MYO1D: variants seen among roughly 807,000 people sequenced by gnomAD.
MYO1D encodes unconventional myosin-Id.
A neutral mutation model predicts 122.0 loss-of-function variants in MYO1D; 83 were observed. That is an observed-to-expected ratio of 0.68 (90% CI 0.57 to 0.82). The LOEUF is 0.82. Ranked by LOEUF, MYO1D falls within the 40% of genes least tolerant of loss-of-function variation. MYO1D has a pLI of 0.00. For missense variants in MYO1D, 1,157 were observed against 1,269.5 expected, an observed-to-expected ratio of 0.91 and a Z score of 1.35; for synonymous variants, 464 against 446.9, an observed-to-expected ratio of 1.04 and a Z score of -0.48.
At chr17:32,816,469 A>T (rs73283738) in intron 1 of MYO1D, among the ~76,000 whole-genome samples, 5,462 of 152,292 alleles carry the variant, frequency 0.036, 316 homozygotes, top group African/African-American at 0.12. Flanking sequence ...TAAACTTTGA[A>T]ATCATTTTAA....
intron 15 of MYO1D, among the ~76,000 whole-genome samples, chr17:32,719,363 T>G (rs933821618): frequency 6.6e-6 from 1 of 151,498 alleles, no homozygotes; most frequent in Non-Finnish European, 1.5e-5. Flanking sequence ...TTTTTTTTTT[T>G]TTTTGAGACG....
chr17:32,532,738 A>C (rs1910550430), intron 21 of MYO1D, among the ~76,000 whole-genome samples: 1 of 151,856 alleles, frequency 6.6e-6, no homozygotes, highest in Non-Finnish European at 1.5e-5. Context: ...AAAAAAAAAA[A>C]AAAAACCAAA....
chr17:32,515,642 C>T (rs375507733), intron 21 of MYO1D, among the ~76,000 whole-genome samples: 69 of 152,224 alleles, frequency 4.5e-4, no homozygotes, highest in Middle Eastern at 6.8e-3. Flanking sequence ...TTGGGGCTGA[C>T]GACATAGTTC....
At chr17:32,837,943 C>T (rs2090843460) in intron 1 of MYO1D, among the ~76,000 whole-genome samples, 1 of 149,666 alleles carries the variant, frequency 6.7e-6, no homozygotes, top group Admixed American at 6.7e-5. Context: ...TTCTCATTCA[C>T]TAAGGTATTG....
intron 20 of MYO1D, among the ~76,000 whole-genome samples, chr17:32,620,663 C>T (rs1375692168): frequency 1.3e-5 from 2 of 152,146 alleles, no homozygotes; most frequent in Non-Finnish European, 2.9e-5. Flanking sequence ...GGGTTTTTAG[C>T]TGTATTCAGT....
At chr17:32,781,648 C>T (rs866394629) in intron 1 of MYO1D, among the ~76,000 whole-genome samples, 4 of 146,220 alleles carry the variant, frequency 2.7e-5, no homozygotes, top group Middle Eastern at 3.5e-3. Flanking sequence ...ATATTTTATG[C>T]ATCATTTTAT....
intron 21 of MYO1D, among the ~76,000 whole-genome samples, chr17:32,577,739 T>C (rs1028788970): frequency 2.6e-4 from 38 of 146,984 alleles, no homozygotes; most frequent in African/African-American, 9.6e-4. Flanking sequence ...ACATATTTCT[T>C]TTTTTTTTTT....
At chr17:32,707,096 C>T (rs1304320599) in intron 16 of MYO1D, among the ~76,000 whole-genome samples, 1 of 151,944 alleles carries the variant, frequency 6.6e-6, no homozygotes, top group African/African-American at 2.4e-5. Flanking sequence ...GAAGAGTTTA[C>T]GATTAACAGA....
chr17:32,577,285 C>T (rs1049934508), intron 21 of MYO1D, among the ~76,000 whole-genome samples: 1 of 151,592 alleles, frequency 6.6e-6, no homozygotes, highest in Non-Finnish European at 1.5e-5. Context: ...GTACCGTACC[C>T]GGCCTAATTT....
chr17:32,832,499 C>T (rs1459913163), intron 1 of MYO1D, among the ~76,000 whole-genome samples: 1 of 151,952 alleles, frequency 6.6e-6, no homozygotes. Context: ...GGAGTTTCAC[C>T]GTGTTAGCCA....
chr17:32,591,323 T>C (rs2087436793), intron 21 of MYO1D, among the ~76,000 whole-genome samples: 1 of 152,226 alleles, frequency 6.6e-6, no homozygotes, highest in Non-Finnish European at 1.5e-5. Context: ...TGCATGTAAA[T>C]AGGTTAAGTT....
intron 19 of MYO1D, among the ~76,000 whole-genome samples, chr17:32,652,174 G>C (rs1284584256): frequency 6.6e-6 from 1 of 152,172 alleles, no homozygotes. Context: ...TAAGTGGTAT[G>C]AGAATTTTAA....
In MYO1D at chr17:32,833,853, C is replaced by A. The variant is rs1046110793; in HGVS notation, c.95+42925G>T. Among the ~76,000 whole-genome samples, 7 of 152,240 alleles carry A rather than the reference C, an allele frequency of 4.6e-5. No homozygotes were observed. The South Asian group carries it at 1.0e-3, about 23-fold the overall frequency. On this transcript the variant is annotated intron_variant, in intron 1 of 21. Coordinates refer to ENST00000318217, the MANE Select transcript of MYO1D (RefSeq NM_015194.3). The stretch of plus-strand genomic sequence containing the variant: ...CTTCCTTCAATTCTTTCTTCAAATG[C>A]CACCTTCTCAGTGAGGCCTTCCCTG...
At chr17:32,546,387 G>C (rs2086965029) in intron 21 of MYO1D, among the ~76,000 whole-genome samples, 1 of 152,218 alleles carries the variant, frequency 6.6e-6, no homozygotes, top group South Asian at 2.1e-4. Flanking sequence ...GAGCACTCCA[G>C]CTCCATAATT....
At chr17:32,728,208 C>T (rs187230533) in intron 14 of MYO1D, among the ~76,000 whole-genome samples, 39 of 150,976 alleles carry the variant, frequency 2.6e-4, no homozygotes, top group Admixed American at 2.6e-3. Flanking sequence ...ATATTGAATG[C>T]AATTTTTTTT....
chr17:32,861,604 G>A (rs956333288), intron 1 of MYO1D, among the ~76,000 whole-genome samples: 9 of 152,132 alleles, frequency 5.9e-5, no homozygotes, highest in East Asian at 1.9e-4. Flanking sequence ...AGACCCTTCC[G>A]CAAAGTGTGG....
intron 21 of MYO1D, among the ~76,000 whole-genome samples, chr17:32,595,115 A>G (rs1338824321): frequency 6.6e-6 from 1 of 152,198 alleles, no homozygotes; most frequent in Non-Finnish European, 1.5e-5. Flanking sequence ...AATCAAGGAA[A>G]GAGACATTCA....
intron 21 of MYO1D, among the ~76,000 whole-genome samples, chr17:32,517,051 G>T (rs932586118): frequency 6.6e-6 from 1 of 152,214 alleles, no homozygotes; most frequent in Non-Finnish European, 1.5e-5. Flanking sequence ...GCTTTCTAAA[G>T]AACTAATTTA....
At chr17:32,600,107 C>T (rs1597921671) in intron 21 of MYO1D, among the ~76,000 whole-genome samples, 1 of 152,304 alleles carries the variant, frequency 6.6e-6, no homozygotes. Context: ...GATGTACTGT[C>T]AATGCATAGT....
Sources: allele counts gnomAD v4.1 joint callset (sites outside exome capture counted in the v4.1 genomes callset), GRCh38; gene constraint gnomAD v4.1.1; transcripts MANE v1.5; gene names NCBI Gene and HGNC (gene_info 2026-07-23, HGNC 2026-07-21).